Variants in SUSD4 observed in about 807,000 individuals in gnomAD.
SUSD4 encodes the protein sushi domain-containing protein 4.
In SUSD4, 41 loss-of-function variants were observed where a neutral mutation model predicts 50.5. The observed-to-expected ratio is 0.81, with a 90% CI of 0.63 to 1.05. The LOEUF is 1.05. Ranked by LOEUF, SUSD4 falls within the 50% of genes least tolerant of loss-of-function variation. SUSD4 has a pLI of 0.00. For missense variants in SUSD4, 580 were observed against 634.7 expected, an observed-to-expected ratio of 0.91 and a Z score of 0.93; for synonymous variants, 257 against 257.3, an observed-to-expected ratio of 1.00 and a Z score of 0.01.
At chr1:223,278,754 G>A (rs1244291158) in intron 3 of SUSD4, among the ~76,000 whole-genome samples, 6 of 152,192 alleles carry the variant, frequency 3.9e-5, no homozygotes, top group Non-Finnish European at 7.4e-5. Flanking sequence ...ATCTGAGAAC[G>A]GACAGACTGC....
chr1:223,362,551 T>C (rs1214557464), intron 2 of SUSD4, among the ~76,000 whole-genome samples: 11 of 152,052 alleles, frequency 7.2e-5, no homozygotes, highest in Non-Finnish European at 1.6e-4. Context: ...CAGAACCAAA[T>C]ATGTTATAGA....
chr1:223,248,216 G>A (rs1434763057), intron 5 of SUSD4, among the ~76,000 whole-genome samples: 1 of 152,178 alleles, frequency 6.6e-6, no homozygotes, highest in Non-Finnish European at 1.5e-5. Context: ...AGTTGGCCTT[G>A]AGGAGCGTGG....
At chr1:223,233,806 T>A (rs562672232) in intron 5 of SUSD4, among the ~76,000 whole-genome samples, 101 of 152,346 alleles carry the variant, frequency 6.6e-4, no homozygotes, top group African/African-American at 2.3e-3. Flanking sequence ...GTGGGTGGCA[T>A]GAACAAAGAT....
chr1:223,280,572 C>T (rs547828246), intron 3 of SUSD4, among the ~76,000 whole-genome samples: 11 of 152,200 alleles, frequency 7.2e-5, no homozygotes, highest in African/African-American at 2.4e-4. Context: ...TACAGGAGCA[C>T]CCAGATTCAT....
chr1:223,241,316 G>C (rs933386098), intron 5 of SUSD4, among the ~76,000 whole-genome samples: 2 of 152,188 alleles, frequency 1.3e-5, no homozygotes, highest in African/African-American at 4.8e-5. Context: ...ACTCACAAAA[G>C]TATGGAGGCC....
At chr1:223,350,625 A>G (rs1342473682) in intron 2 of SUSD4, among the ~76,000 whole-genome samples, 1 of 152,248 alleles carries the variant, frequency 6.6e-6, no homozygotes, top group Admixed American at 6.5e-5. Flanking sequence ...CCTTGGCTCA[A>G]TGATGTCCTT....
chr1:223,317,726 G>A (rs537988238), intron 2 of SUSD4, among the ~76,000 whole-genome samples: 30 of 151,044 alleles, frequency 2.0e-4, no homozygotes, highest in African/African-American at 6.8e-4. Context: ...TTATATTTAT[G>A]ATTATTATTA....
chr1:223,325,043 G>A (rs1255378143), intron 2 of SUSD4, among the ~76,000 whole-genome samples: 1 of 152,084 alleles, frequency 6.6e-6, no homozygotes, highest in African/African-American at 2.4e-5. Context: ...TGCCAAGTGG[G>A]GGAAGAAACC....
chr1:223,228,754 A>G (rs886560951), intron 6 of SUSD4, among the ~76,000 whole-genome samples: 8 of 152,066 alleles, frequency 5.3e-5, no homozygotes, highest in Non-Finnish European at 1.0e-4. Context: ...GTCCAGGGCA[A>G]TGCATCTAAT....
intron 5 of SUSD4, among the ~76,000 whole-genome samples, chr1:223,240,861 T>C (rs915644241): frequency 5.9e-5 from 9 of 152,230 alleles, no homozygotes; most frequent in South Asian, 2.1e-4. Context: ...TTCTTCTTGA[T>C]AACTGGACAA....
At chr1:223,288,930 G>A (rs1037107106) in intron 3 of SUSD4, among the ~76,000 whole-genome samples, 1 of 152,224 alleles carries the variant, frequency 6.6e-6, no homozygotes, top group Admixed American at 6.5e-5. Flanking sequence ...GAGGACGTAT[G>A]TGTTGAGTAA....
chr1:223,292,291 C>T (rs1664541288), intron 3 of SUSD4, 148 bp downstream of exon 3: 1 of 776,680 alleles, frequency 1.3e-6, no homozygotes, highest in African/African-American at 1.7e-5. Flanking sequence ...ACCCTCATTA[C>T]CCACTCCTGC....
chr1:223,339,496 G>A (rs987186966), intron 2 of SUSD4, among the ~76,000 whole-genome samples: 20 of 152,136 alleles, frequency 1.3e-4, no homozygotes, highest in African/African-American at 3.9e-4. Flanking sequence ...CCTCCAACCC[G>A]CCATCTCCCT....
chr1:223,295,771 T>G (rs1340589654), intron 2 of SUSD4, among the ~76,000 whole-genome samples: 1 of 151,098 alleles, frequency 6.6e-6, no homozygotes, highest in Non-Finnish European at 1.5e-5. Flanking sequence ...GGCATGGGTG[T>G]CAAGACTGAG....
chr1:223,303,844 A>G (rs1371020941), intron 2 of SUSD4, among the ~76,000 whole-genome samples: 3 of 152,240 alleles, frequency 2.0e-5, no homozygotes, highest in African/African-American at 7.2e-5. Context: ...CAGTATACAG[A>G]GATAAGAATT....
intron 3 of SUSD4, among the ~76,000 whole-genome samples, chr1:223,280,819 T>C (rs1408157723): frequency 5.9e-5 from 9 of 152,152 alleles, no homozygotes; most frequent in Non-Finnish European, 1.5e-5. Flanking sequence ...TATTCCAAAA[T>C]TCACCACATA....
chr1:223,318,036 T>C (rs1331155837), intron 2 of SUSD4, among the ~76,000 whole-genome samples: 1 of 75,372 alleles, frequency 1.3e-5, no homozygotes, highest in Non-Finnish European at 2.6e-5. Context: ...GTCCCCAGAG[T>C]GTGATATTCC....
chr1:223,276,872 A>G (rs900088345), intron 3 of SUSD4, among the ~76,000 whole-genome samples: 2 of 152,188 alleles, frequency 1.3e-5, no homozygotes, highest in African/African-American at 4.8e-5. Context: ...TAAGGCAATA[A>G]GAAAGAAATT....
intron 2 of SUSD4, among the ~76,000 whole-genome samples, chr1:223,293,464 A>C (rs1314717083): frequency 1.3e-5 from 2 of 152,156 alleles, no homozygotes; most frequent in Non-Finnish European, 2.9e-5. Context: ...AATCTACCAC[A>C]GTGTCTTCTG....
Sources: gnomAD v4.1 joint callset for allele counts (sites outside exome capture counted in the v4.1 genomes callset) on GRCh38, gnomAD v4.1.1 for gene constraint, MANE v1.5 for transcripts, NCBI Gene and HGNC (gene_info 2026-07-23, HGNC 2026-07-21) for gene names.